Variants in ARHGEF26 observed in about 807,000 individuals in gnomAD.
ARHGEF26 encodes Rho guanine nucleotide exchange factor 26.
A neutral mutation model predicts 89.4 loss-of-function variants in ARHGEF26; 59 were observed. The observed-to-expected ratio is 0.66, with a 90% CI of 0.54 to 0.82. The LOEUF (loss-of-function observed/expected upper bound fraction) is 0.82. Ranked by LOEUF, ARHGEF26 falls within the 40% of genes least tolerant of loss-of-function variation. ARHGEF26 has a pLI of 0.00. For missense variants in ARHGEF26, 1,234 were observed against 1,085.6 expected, an observed-to-expected ratio of 1.14 and a Z score of -1.92; for synonymous variants, 500 against 428.4, an observed-to-expected ratio of 1.17 and a Z score of -2.06.
intron 5 of ARHGEF26, among the ~76,000 whole-genome samples, chr3:154,151,466 C>A (rs1168490185): frequency 6.6e-6 from 1 of 152,150 alleles, no homozygotes; most frequent in East Asian, 1.9e-4. Flanking sequence ...ACATCAACAC[C>A]TGAAATCCAT....
At chr3:154,148,213 A>C (rs1036686258) in intron 4 of ARHGEF26, among the ~76,000 whole-genome samples, 3 of 152,222 alleles carry the variant, frequency 2.0e-5, no homozygotes, top group African/African-American at 7.2e-5. Flanking sequence ...CATACCTTAG[A>C]AGAAACTTTC....
At chr3:154,165,957 C>G (rs13077966) in intron 6 of ARHGEF26, among the ~76,000 whole-genome samples, 23,226 of 152,178 alleles carry the variant, frequency 0.15, 2,117 homozygotes, top group East Asian at 0.36. Context: ...TGACTTAAAT[C>G]AGGGTCTGGA....
intron 11 of ARHGEF26, among the ~76,000 whole-genome samples, chr3:154,229,607 G>T (rs1039841782): frequency 9.9e-5 from 15 of 152,188 alleles, no homozygotes; most frequent in African/African-American, 3.6e-4. Flanking sequence ...TGTTGTAGAG[G>T]ACTGTCCTGT....
chr3:154,208,763 ATTTTTTT>A, intron 9 of ARHGEF26, among the ~76,000 whole-genome samples: 1 of 107,370 alleles, frequency 9.3e-6, no homozygotes, highest in East Asian at 2.8e-4. Context: ...TGCCAATTGC[ATTTTTTT>A]TTTTTTTTTT....
Position 154,122,166 on chromosome 3 carries a change from G to GCT in ARHGEF26, c.176_177dup (p.Leu60SerfsTer75). 1 of 1,598,466 alleles carries GCT rather than the reference G, an allele frequency of 6.3e-7. No individual in the cohort carries two copies. The highest frequency in any genetic ancestry group is 8.5e-7 in the Non-Finnish European group (1 of 1,172,654). ...ATTTCCCGGTGGAGGACGGAGGGAC[G>GCT]CTCCTCGCAGCGCAGATTCCCGCCC... On this transcript the variant is annotated frameshift_variant, in exon 2 of 15. Coordinates refer to ENST00000465093, the MANE Select transcript of ARHGEF26 (RefSeq NM_015595.4). LOFTEE classifies it high-confidence loss of function.
intron 6 of ARHGEF26, among the ~76,000 whole-genome samples, chr3:154,153,151 T>C (rs527630418): frequency 9.2e-5 from 14 of 152,220 alleles, no homozygotes; most frequent in Admixed American, 2.6e-4. Context: ...TCCTAAGTTA[T>C]GTTATTCCTC....
chr3:154,150,266 G>A (rs969886781), intron 5 of ARHGEF26, among the ~76,000 whole-genome samples: 1 of 151,186 alleles, frequency 6.6e-6, no homozygotes, highest in African/African-American at 2.4e-5. Flanking sequence ...ATTAACAAAT[G>A]TATAACAATC....
At chr3:154,219,965 T>C (rs1160176210) in intron 10 of ARHGEF26, among the ~76,000 whole-genome samples, 2 of 152,078 alleles carry the variant, frequency 1.3e-5, no homozygotes, top group Non-Finnish European at 2.9e-5. Flanking sequence ...TTAACATCAG[T>C]TGAGTTCCTG....
chr3:154,205,578 T>C (rs1483828823), intron 9 of ARHGEF26, among the ~76,000 whole-genome samples: 10 of 152,208 alleles, frequency 6.6e-5, no homozygotes. Context: ...TTTTGTGGTC[T>C]TCTATTCCTT....
At chr3:154,165,840 C>T (rs1196476703) in intron 6 of ARHGEF26, among the ~76,000 whole-genome samples, 2 of 152,204 alleles carry the variant, frequency 1.3e-5, no homozygotes, top group East Asian at 3.9e-4. Context: ...AATTCTTTTT[C>T]GTACCATTGC....
intron 6 of ARHGEF26, among the ~76,000 whole-genome samples, chr3:154,171,302 CCTA>C (rs1246830060): frequency 1.3e-5 from 2 of 152,112 alleles, no homozygotes; most frequent in Admixed American, 1.3e-4. Context: ...CAGCTTCTAC[CCTA>C]CTATCAACAT....
intron 9 of ARHGEF26, among the ~76,000 whole-genome samples, chr3:154,199,895 G>T (rs1559893580): frequency 6.6e-6 from 1 of 151,912 alleles, no homozygotes; most frequent in Non-Finnish European, 1.5e-5. Context: ...GCCCATTTTT[G>T]ATTGGATTAT....
chr3:154,191,264 T>G (rs761789004), intron 7 of ARHGEF26, 25 bp from the exon 8 acceptor site: 3 of 1,582,272 alleles, frequency 1.9e-6, no homozygotes, highest in Non-Finnish European at 1.7e-6. Flanking sequence ...ATTTTGAAGT[T>G]TCTCTTTTCT....
At chr3:154,240,314 C>T in intron 11 of ARHGEF26, 56 bp from the exon 12 acceptor site, 1 of 1,377,560 alleles carries the variant, frequency 7.3e-7, no homozygotes, top group Non-Finnish European at 9.9e-7. Flanking sequence ...CGAAAACTGA[C>T]AATGTCAGTC....
At chr3:154,190,971 A>G (rs748857672) in intron 7 of ARHGEF26, among the ~76,000 whole-genome samples, 14 of 152,162 alleles carry the variant, frequency 9.2e-5, no homozygotes, top group African/African-American at 2.9e-4. Context: ...TTTATGACCC[A>G]TATATTCACC....
chr3:154,209,661 C>T (rs1307471620), intron 9 of ARHGEF26, among the ~76,000 whole-genome samples: 1 of 152,148 alleles, frequency 6.6e-6, no homozygotes, highest in African/African-American at 2.4e-5. Flanking sequence ...ACACAAGCAC[C>T]CCTGTGGCCA....
At chr3:154,248,427 A>G (rs895959949) in intron 12 of ARHGEF26, among the ~76,000 whole-genome samples, 1 of 152,224 alleles carries the variant, frequency 6.6e-6, no homozygotes. Context: ...ACATAGTCAT[A>G]TACTTCATCC....
chr3:154,235,838 C>T (rs545256993), intron 11 of ARHGEF26, among the ~76,000 whole-genome samples: 1 of 152,274 alleles, frequency 6.6e-6, no homozygotes, highest in South Asian at 2.1e-4. Flanking sequence ...TCCAGAGTAC[C>T]TGCTCCGCTG....
Position 154,164,634 on chromosome 3 carries a change from G to T in ARHGEF26, c.1487+11702G>T, listed in dbSNP as rs564405705. 2.4e-4 allele frequency among the ~76,000 whole-genome samples: 36 copies of T among 152,236 alleles called. No individual in the cohort carries two copies. In the South Asian group the frequency reaches 6.6e-3, roughly 28 times the overall value. On this transcript the variant is annotated intron_variant, in intron 6 of 14. Transcript: ENST00000465093. Reference sequence around the variant, plus strand: ...AAGAAAAACTGTCTCTGTATTGGGAGTTCATTGGAATTTCTTTTCTAGCAG... The same window carrying T: ...AAGAAAAACTGTCTCTGTATTGGGATTTCATTGGAATTTCTTTTCTAGCAG...
Sources: gnomAD v4.1 joint callset for allele counts (sites outside exome capture counted in the v4.1 genomes callset) on GRCh38, gnomAD v4.1.1 for gene constraint, MANE v1.5 for transcripts, NCBI Gene and HGNC (gene_info 2026-07-23, HGNC 2026-07-21) for gene names.